SSBP2: variants seen among roughly 807,000 people sequenced by gnomAD.
SSBP2 encodes single-stranded DNA-binding protein 2.
SSBP2 carries 17 observed loss-of-function variants against 61.8 expected under a neutral mutation model. The observed-to-expected ratio is 0.28, with a 90% confidence interval of 0.19 to 0.41. The LOEUF (loss-of-function observed/expected upper bound fraction) is 0.41, where lower values mean the gene tolerates loss of function less well. Among genes scored for constraint, SSBP2 ranks in the 10% least tolerant of loss-of-function variants. SSBP2 has a pLI of 1.00. For synonymous variants in SSBP2, 139 were observed against 141.3 expected (o/e 0.98, Z 0.12); for missense variants, 310 against 458.7 (o/e 0.68, Z 2.96).
chr5:81,667,476 G>C (rs1324876732), intron 1 of SSBP2, among the ~76,000 whole-genome samples: 2 of 152,102 alleles, frequency 1.3e-5, no homozygotes, highest in African/African-American at 2.4e-5. Flanking sequence ...GGTTCATACA[G>C]AGGCAGGGCT....
chr5:81,603,589 C>G (rs13157978), intron 4 of SSBP2, among the ~76,000 whole-genome samples: 40,001 of 152,020 alleles, frequency 0.26, 5,500 homozygotes, highest in Non-Finnish European at 0.31. Flanking sequence ...AGTCACAATG[C>G]ATATGAAAAT....
chr5:81,488,016 T>TATTA (rs1766518818), intron 6 of SSBP2, among the ~76,000 whole-genome samples: 3 of 13,824 alleles, frequency 2.2e-4, no homozygotes, highest in South Asian at 1.2e-3. Flanking sequence ...AAATAATATA[T>TATTA]ATATATATAT....
chr5:81,467,126 A>G, intron 8 of SSBP2, 61 bp from the exon 9 acceptor site: 1 of 1,069,028 alleles, frequency 9.4e-7, no homozygotes. Flanking sequence ...GAGCACGTTA[A>G]TGATTTCCCT....
chr5:81,739,927 C>T (rs1467644520), intron 1 of SSBP2, among the ~76,000 whole-genome samples: 1 of 152,116 alleles, frequency 6.6e-6, no homozygotes, highest in African/African-American at 2.4e-5. Context: ...AGCATTTTGT[C>T]AACTAGCAGC....
chr5:81,511,553 C>A (rs1359638833), intron 5 of SSBP2, among the ~76,000 whole-genome samples: 1 of 152,186 alleles, frequency 6.6e-6, no homozygotes, highest in East Asian at 1.9e-4. Context: ...CTGCACAGAT[C>A]ATTTTGATGC....
intron 1 of SSBP2, among the ~76,000 whole-genome samples, chr5:81,702,450 T>C (rs1754060191): frequency 6.6e-6 from 1 of 152,120 alleles, no homozygotes; most frequent in African/African-American, 2.4e-5. Context: ...TGCCTACTAC[T>C]CAATCTCACT....
chr5:81,650,835 C>T (rs914236664), intron 1 of SSBP2, among the ~76,000 whole-genome samples: 14 of 152,108 alleles, frequency 9.2e-5, no homozygotes, highest in Admixed American at 3.3e-4. Context: ...GCAACTTCTC[C>T]TTATTCTTTA....
chr5:81,589,074 A>G (rs1215897557), intron 4 of SSBP2, among the ~76,000 whole-genome samples: 1 of 152,154 alleles, frequency 6.6e-6, no homozygotes, highest in African/African-American at 2.4e-5. Flanking sequence ...AAAAACAAAC[A>G]AACAAAAAAC....
intron 5 of SSBP2, among the ~76,000 whole-genome samples, chr5:81,504,293 A>C (rs1208436927): frequency 6.6e-6 from 1 of 152,174 alleles, no homozygotes; most frequent in Non-Finnish European, 1.5e-5. Context: ...TTAACAGACT[A>C]ATCTCCATGT....
intron 4 of SSBP2, among the ~76,000 whole-genome samples, chr5:81,607,805 A>G (rs1199536786): frequency 6.6e-6 from 1 of 152,146 alleles, no homozygotes; most frequent in Non-Finnish European, 1.5e-5. Context: ...ACAGCTTTTG[A>G]ATATCTTAGG....
At chr5:81,435,058 G>A (rs1179924285) in intron 15 of SSBP2, among the ~76,000 whole-genome samples, 1 of 152,204 alleles carries the variant, frequency 6.6e-6, no homozygotes, top group Non-Finnish European at 1.5e-5. Context: ...TGAACCTGGA[G>A]TAGAGGTGGT....
intron 1 of SSBP2, among the ~76,000 whole-genome samples, chr5:81,666,415 A>T (rs1221542519): frequency 6.6e-6 from 1 of 152,132 alleles, no homozygotes; most frequent in Non-Finnish European, 1.5e-5. Context: ...TACTTTGCTG[A>T]TGTTTCATTG....
chr5:81,672,784 G>C (rs1056621899), intron 1 of SSBP2, among the ~76,000 whole-genome samples: 1 of 151,852 alleles, frequency 6.6e-6, no homozygotes, highest in African/African-American at 2.4e-5. Flanking sequence ...ATATTGACCA[G>C]GCTGATCTCA....
intron 1 of SSBP2, among the ~76,000 whole-genome samples, chr5:81,658,397 C>G (rs1352037815): frequency 2.6e-5 from 4 of 152,126 alleles, no homozygotes; most frequent in Admixed American, 1.3e-4. Context: ...AATACCCCCA[C>G]AGACACCAAA....
chr5:81,657,431 T>G (rs1225824111), intron 1 of SSBP2, among the ~76,000 whole-genome samples: 3 of 152,198 alleles, frequency 2.0e-5, no homozygotes, highest in Non-Finnish European at 2.9e-5. Context: ...TTGCTAAAAT[T>G]AAAACTCCCC....
chr5:81,475,378 T>G (rs1464943563), intron 6 of SSBP2, among the ~76,000 whole-genome samples: 2 of 152,158 alleles, frequency 1.3e-5, no homozygotes, highest in Non-Finnish European at 2.9e-5. Flanking sequence ...ATTAAATAAT[T>G]TACATGGCCA....
intron 4 of SSBP2, among the ~76,000 whole-genome samples, chr5:81,558,756 T>C (rs1241863515): frequency 6.6e-6 from 1 of 152,238 alleles, no homozygotes; most frequent in African/African-American, 2.4e-5. Flanking sequence ...TTTTACTTTC[T>C]TTCCTATCTC....
intron 4 of SSBP2, among the ~76,000 whole-genome samples, chr5:81,556,155 C>A (rs1220448925): frequency 6.6e-6 from 1 of 152,048 alleles, no homozygotes; most frequent in African/African-American, 2.4e-5. Flanking sequence ...ATCACCCCTG[C>A]AGAAAGTTTC....
At chr5:81,734,746 C>A (rs1282044573) in intron 1 of SSBP2, among the ~76,000 whole-genome samples, 2 of 151,978 alleles carry the variant, frequency 1.3e-5, no homozygotes, top group African/African-American at 4.8e-5. Context: ...CCGAGGCGGG[C>A]AGATCATGAG....
Sources: gnomAD v4.1 joint callset for allele counts (sites outside exome capture counted in the v4.1 genomes callset) on GRCh38, gnomAD v4.1.1 for gene constraint, MANE v1.5 for transcripts, NCBI Gene and HGNC (gene_info 2026-07-23, HGNC 2026-07-21) for gene names.